The following LARP1B variants were observed in gnomAD, a reference collection of about 807,000 sequenced individuals.
The protein encoded by LARP1B is la-related protein 1B.
A neutral mutation model predicts 114.2 loss-of-function variants in LARP1B; 76 were observed. The observed-to-expected ratio is 0.67, with a 90% CI of 0.55 to 0.81. The LOEUF (loss-of-function observed/expected upper bound fraction) is 0.81, where lower values mean the gene tolerates loss of function less well. Among genes scored for constraint, LARP1B ranks in the 30% least tolerant of loss-of-function variants. The pLI is 0.00. For synonymous variants in LARP1B, 345 were observed against 348.0 expected (o/e 0.99, Z 0.10); for missense variants, 1,014 against 1,075.8 (o/e 0.94, Z 0.80).
At chr4:128,070,956 G>C (rs1272766314) in intron 1 of LARP1B, among the ~76,000 whole-genome samples, 1 of 151,904 alleles carries the variant, frequency 6.6e-6, no homozygotes, top group Non-Finnish European at 1.5e-5. Context: ...CTTTCTCTAG[G>C]GTAGATGCTG....
chr4:128,180,243 C>T (rs892105604), intron 15 of LARP1B, among the ~76,000 whole-genome samples: 4 of 152,128 alleles, frequency 2.6e-5, no homozygotes, highest in Admixed American at 2.6e-4. Context: ...TGAGCCACCT[C>T]ACCCAGCCTG....
intron 11 of LARP1B, among the ~76,000 whole-genome samples, chr4:128,150,633 C>T (rs1732363364): frequency 6.6e-6 from 1 of 151,498 alleles, no homozygotes; most frequent in Admixed American, 6.6e-5. Context: ...TATTTTAAGG[C>T]AGAGAAAATT....
chr4:128,204,971 C>T (rs1237342134), intron 17 of LARP1B, among the ~76,000 whole-genome samples: 1 of 152,140 alleles, frequency 6.6e-6, no homozygotes, highest in Non-Finnish European at 1.5e-5. Flanking sequence ...TTGAGAACAA[C>T]TGATGTCGGT....
chr4:128,189,297 C>T (rs375966347), intron 15 of LARP1B, among the ~76,000 whole-genome samples: 25 of 6,688 alleles, frequency 3.7e-3, no homozygotes, highest in South Asian at 7.9e-3. Flanking sequence ...TTCACTTGTT[C>T]TATTTTGTTT....
Position 128,121,865 on chromosome 4 carries a change from T to C in LARP1B, c.1201T>C (p.Cys401Arg), listed in dbSNP as rs183991017. 266 of 1,608,890 alleles carry C rather than the reference T, an allele frequency of 1.7e-4. No homozygotes were observed. The highest frequency in any genetic ancestry group is 2.2e-5 in the East Asian group (1 of 44,838). Residue 401 changes from cysteine (C) to arginine (R), a missense_variant, in exon 11 of 20, where the codon TGT (cysteine) becomes CGT (arginine). Coordinates refer to ENST00000326639, the MANE Select transcript of LARP1B (RefSeq NM_018078.4). ...SVPEGSLNQLCSSEEPEQEEL... is the reference protein window; with the variant it reads ...SVPEGSLNQLRSSEEPEQEEL... ...CCCTGAAGGGTCATTAAATCAGCTA[T>C]GTTCTTCAGAAGAACCAGAACAAGA... is the stretch of plus-strand genomic sequence containing the variant.
chr4:128,167,045 T>C (rs926213368), intron 12 of LARP1B, among the ~76,000 whole-genome samples: 4 of 148,240 alleles, frequency 2.7e-5, no homozygotes, highest in African/African-American at 7.4e-5. Flanking sequence ...TACGTATATA[T>C]ACACACACAC....
intron 7 of LARP1B, chr4:128,222,215 T>G (rs1365136684): frequency 7.2e-6 from 3 of 414,930 alleles, no homozygotes; most frequent in Non-Finnish European, 1.5e-5. Flanking sequence ...TTAGATGCCG[T>G]TATTTCTACT....
At chr4:128,103,651 C>T (rs1781084431) in intron 8 of LARP1B, among the ~76,000 whole-genome samples, 1 of 151,294 alleles carries the variant, frequency 6.6e-6, no homozygotes, top group Non-Finnish European at 1.5e-5. Context: ...CAACCTCTGC[C>T]TCCTAGGTTC....
chr4:128,185,256 T>C (rs1749915960), intron 15 of LARP1B, among the ~76,000 whole-genome samples: 1 of 152,142 alleles, frequency 6.6e-6, no homozygotes, highest in Non-Finnish European at 1.5e-5. Context: ...TTCTATTCTG[T>C]TTTCTGTAGT....
At chr4:128,084,224 C>A (rs1438727742) in intron 5 of LARP1B, among the ~76,000 whole-genome samples, 1 of 152,248 alleles carries the variant, frequency 6.6e-6, no homozygotes, top group African/African-American at 2.4e-5. Flanking sequence ...GACGGGGTGG[C>A]GGCCGGGCAG....
chr4:128,146,006 T>C (rs561241129), intron 11 of LARP1B, among the ~76,000 whole-genome samples: 5 of 152,228 alleles, frequency 3.3e-5, no homozygotes, highest in Non-Finnish European at 7.3e-5. Context: ...AATTAAATTG[T>C]TACAACCAAC....
chr4:128,108,248 A>C, intron 9 of LARP1B: 4 of 1,111,360 alleles, frequency 3.6e-6, no homozygotes, highest in Middle Eastern at 7.7e-4. Flanking sequence ...TTCTGTTTCC[A>C]GGGTTATGTA....
Position 128,114,701 on chromosome 4 carries a change from G to C in LARP1B, c.1120G>C (p.Glu374Gln). The change falls in exon 10 of 20, where the codon GAA becomes CAA. Residue 374 changes from glutamate (E) to glutamine (Q), a missense_variant. Glu to Gln is a conservative substitution (Grantham distance 29). Coordinates refer to ENST00000326639, the MANE Select transcript of LARP1B (RefSeq NM_018078.4). ...TGACTTGGACTCAGAACCTTGGATA[G>C]AAGTTAAAAAAAGACATCAGCCAGC... ...LPDLDSEPWI[E>Q]VKKRHQPAPV... is the part of the protein sequence containing the mutation. The C allele has an allele frequency of 6.2e-7, 1 of 1,614,054 alleles. No individual in the cohort carries two copies. The highest frequency in any genetic ancestry group is 8.5e-7 in the Non-Finnish European group (1 of 1,179,986).
At chr4:128,105,295 T>C (rs572378900) in intron 8 of LARP1B, among the ~76,000 whole-genome samples, 2 of 152,314 alleles carry the variant, frequency 1.3e-5, no homozygotes, top group African/African-American at 4.8e-5. Flanking sequence ...GATTAGTCTG[T>C]TCTTGGCATT....
rs1786992360 is a variant in LARP1B, at chr4:128,119,025, C to T, written c.1162-2801C>T. Among the ~76,000 whole-genome samples the T allele has an allele frequency of 2.0e-5, 3 of 151,814 alleles. No homozygotes were observed. In the South Asian group the frequency reaches 6.2e-4, roughly 32 times the overall value. On this transcript the variant is annotated intron_variant, in intron 10 of 19. Coordinates refer to ENST00000326639, the MANE Select transcript of LARP1B (RefSeq NM_018078.4). Reference sequence around the variant, plus strand: ...CCTCCCGAGTAGCTGGGATTACAGGCACCCGCCGCCATGCCCAGCTAATTT... The same window carrying T: ...CCTCCCGAGTAGCTGGGATTACAGGTACCCGCCGCCATGCCCAGCTAATTT...
chr4:128,104,235 C>G (rs1781317017), intron 8 of LARP1B, among the ~76,000 whole-genome samples: 1 of 152,102 alleles, frequency 6.6e-6, no homozygotes, highest in African/African-American at 2.4e-5. Context: ...CTGTACCCTC[C>G]TAGTCAGTAC....
intron 1 of LARP1B, among the ~76,000 whole-genome samples, chr4:128,071,421 A>AT (rs778799614): frequency 0.015 from 1,581 of 108,362 alleles, 22 homozygotes; most frequent in African/African-American, 0.018. Flanking sequence ...TTCTTTCACA[A>AT]TTTTTTTTTT....
chr4:128,205,018 T>G (rs1757173379), intron 17 of LARP1B, among the ~76,000 whole-genome samples: 1 of 152,222 alleles, frequency 6.6e-6, no homozygotes, highest in Admixed American at 6.5e-5. Flanking sequence ...AGCAAGTTTG[T>G]CATTCTGAAC....
chr4:128,093,544 C>T (rs1171808522), intron 7 of LARP1B, among the ~76,000 whole-genome samples: 13 of 151,334 alleles, frequency 8.6e-5, no homozygotes, highest in African/African-American at 1.9e-4. Flanking sequence ...TGCAGTGAGC[C>T]GAGATAGTGC....
Sources: allele counts gnomAD v4.1 joint callset (sites outside exome capture counted in the v4.1 genomes callset), GRCh38; gene constraint gnomAD v4.1.1; transcripts MANE v1.5; gene names NCBI Gene and HGNC (gene_info 2026-07-23, HGNC 2026-07-21).